The following MYT1L variants were observed in gnomAD, a reference collection of about 807,000 sequenced individuals.
MYT1L encodes myelin transcription factor 1 like.
In MYT1L, 12 loss-of-function variants were observed where a neutral mutation model predicts 126.7. The observed-to-expected ratio is 0.09, with a 90% CI of 0.06 to 0.15. MYT1L has a LOEUF of 0.15. Among genes scored for constraint, MYT1L ranks in the 10% least tolerant of loss-of-function variants. MYT1L has a pLI of 1.00. For missense variants in MYT1L, 979 were observed against 1,585.2 expected (o/e 0.62, Z 6.49); for synonymous variants, 541 against 604.2 (o/e 0.90, Z 1.53).
At chr2:2,150,522 C>T (rs543013875) in intron 3 of MYT1L, among the ~76,000 whole-genome samples, 2 of 152,266 alleles carry the variant, frequency 1.3e-5, no homozygotes, top group Admixed American at 6.5e-5. Context: ...TCTCTTCATC[C>T]TGGCTGTGCT....
intron 3 of MYT1L, among the ~76,000 whole-genome samples, chr2:2,151,789 C>T (rs1193023082): frequency 6.6e-6 from 1 of 152,222 alleles, no homozygotes; most frequent in Non-Finnish European, 1.5e-5. Context: ...GGGGCAGTGG[C>T]TCATGCCTGT....
chr2:1,815,173 G>A (rs1226167804), intron 21 of MYT1L, among the ~76,000 whole-genome samples: 1 of 152,188 alleles, frequency 6.6e-6, no homozygotes, highest in Admixed American at 6.5e-5. Flanking sequence ...TCAGCTCAGT[G>A]AGCTCCGGCC....
intron 3 of MYT1L, among the ~76,000 whole-genome samples, chr2:2,115,357 C>T (rs764029904): frequency 1.2e-4 from 18 of 152,126 alleles, no homozygotes; most frequent in Admixed American, 5.9e-4. Context: ...TAAATAGATT[C>T]GCTTTTGAAT....
intron 4 of MYT1L, among the ~76,000 whole-genome samples, chr2:2,018,865 C>T (rs58070573): frequency 0.12 from 17,642 of 151,880 alleles, 1,101 homozygotes; most frequent in East Asian, 0.31. Context: ...AGAGAGAACG[C>T]CTCCTAAGGA....
chr2:2,034,176 G>C (rs1434429546), intron 4 of MYT1L, among the ~76,000 whole-genome samples: 1 of 152,148 alleles, frequency 6.6e-6, no homozygotes, highest in South Asian at 2.1e-4. Context: ...AGCAGAAAAC[G>C]TCGGTATCGA....
At chr2:1,850,725 T>A (rs11678525) in intron 19 of MYT1L, among the ~76,000 whole-genome samples, 2 of 151,866 alleles carry the variant, frequency 1.3e-5, no homozygotes, top group Admixed American at 6.6e-5. Context: ...CATTTGGATA[T>A]CCTACCACCC....
chr2:2,138,082 T>C (rs1313052305), intron 3 of MYT1L, among the ~76,000 whole-genome samples: 1 of 151,988 alleles, frequency 6.6e-6, no homozygotes, highest in African/African-American at 2.4e-5. Context: ...AAAAAACACA[T>C]GAAAAAATGC....
chr2:2,175,967 G>T (rs566868129), intron 2 of MYT1L, among the ~76,000 whole-genome samples: 1 of 152,342 alleles, frequency 6.6e-6, no homozygotes, highest in African/African-American at 2.4e-5. Context: ...GTACATAGCA[G>T]GTTCTCCATT....
chr2:1,941,697 A>G (rs530841215), intron 9 of MYT1L, among the ~76,000 whole-genome samples: 2 of 149,160 alleles, frequency 1.3e-5, no homozygotes, highest in Non-Finnish European at 3.0e-5. Context: ...CTATGTGTAT[A>G]TACATATCTA....
chr2:1,913,892 C>T (rs2052425610), intron 11 of MYT1L, among the ~76,000 whole-genome samples: 1 of 152,130 alleles, frequency 6.6e-6, no homozygotes, highest in Non-Finnish European at 1.5e-5. Flanking sequence ...CAAACTTCTG[C>T]AGCATGTGCA....
intron 2 of MYT1L, among the ~76,000 whole-genome samples, chr2:2,230,964 A>G (rs2149060162): frequency 6.6e-6 from 1 of 152,238 alleles, no homozygotes; most frequent in South Asian, 2.1e-4. Context: ...AGGCCACACC[A>G]CTGGCCCAGG....
chr2:2,187,727 TGTTTA>T (rs2092313361), intron 2 of MYT1L, among the ~76,000 whole-genome samples: 1 of 152,136 alleles, frequency 6.6e-6, no homozygotes, highest in African/African-American at 2.4e-5. Flanking sequence ...CAGCCTGGGC[TGTTTA>T]GTTGGCCAAT....
chr2:2,003,958 C>T (rs558370598), intron 4 of MYT1L, among the ~76,000 whole-genome samples: 19 of 150,752 alleles, frequency 1.3e-4, no homozygotes, highest in East Asian at 5.9e-4. Flanking sequence ...TTCCTGCATG[C>T]GTTCTTTCCT....
intron 18 of MYT1L, among the ~76,000 whole-genome samples, chr2:1,881,403 T>G (rs1573176452): frequency 7.1e-6 from 1 of 140,902 alleles, no homozygotes; most frequent in African/African-American, 2.6e-5. Flanking sequence ...TGTGTGTGTC[T>G]GAAGTCATTT....
intron 3 of MYT1L, among the ~76,000 whole-genome samples, chr2:2,109,887 A>ATATT (rs1443868187): frequency 1.4e-5 from 1 of 69,480 alleles, no homozygotes; most frequent in African/African-American, 4.6e-5. Context: ...ATATATATAT[A>ATATT]TATATATATA....
chr2:2,209,040 A>G (rs1017918272), intron 2 of MYT1L, among the ~76,000 whole-genome samples: 2 of 151,934 alleles, frequency 1.3e-5, no homozygotes, highest in Non-Finnish European at 2.9e-5. Context: ...AATAGATTCA[A>G]AGCCACTGAA....
chr2:1,912,061 C>T lies in MYT1L; in HGVS notation c.1668G>A (p.Thr556=), dbSNP rs772317559. 5.0e-6 allele frequency: 8 copies of T among 1,597,264 alleles called. No homozygotes were observed. The Admixed American group carries it at 5.1e-5, about 10-fold the overall frequency. ...TGTTGCTGTTGACATGCCCGCGCCC[C>T]GTGCAGCCCGGAGTGGGGCACTTGA... ...SVLKCPTPGC[T]GRGHVNSNRN... is the part of the protein sequence containing the mutation. The change falls in exon 12 of 25, where the codon ACG becomes ACA. Residue 556 remains threonine (T), a synonymous_variant. Transcript: ENST00000647738. This position sits in a 1 kb window ranked among gnomAD's most constrained non-coding sequence, Gnocchi z 4.3.
chr2:2,050,319 G>T (rs1032934556), intron 4 of MYT1L, among the ~76,000 whole-genome samples: 2 of 152,156 alleles, frequency 1.3e-5, no homozygotes, highest in Non-Finnish European at 2.9e-5. Context: ...TATTTCAGCA[G>T]ATTTCTCCTT....
chr2:1,856,963 T>C (rs2043997095), intron 18 of MYT1L, among the ~76,000 whole-genome samples: 1 of 152,186 alleles, frequency 6.6e-6, no homozygotes, highest in South Asian at 2.1e-4. Flanking sequence ...TAGACACACG[T>C]GTTGAACACC....
Sources: gnomAD v4.1 joint callset for allele counts (sites outside exome capture counted in the v4.1 genomes callset) on GRCh38, gnomAD v4.1.1 for gene constraint, Gnocchi (gnomAD v3.1) non-coding constraint, MANE v1.5 for transcripts, NCBI Gene and HGNC (gene_info 2026-07-23, HGNC 2026-07-21) for gene names.